Variants in RARB observed in about 807,000 individuals in gnomAD.
RARB encodes the protein retinoic acid receptor beta, also known as HBV-activated protein.
Under a neutral mutation model 51.9 loss-of-function variants are expected in RARB, and 17 were observed. The observed-to-expected ratio is 0.33, with a 90% CI of 0.22 to 0.49. The LOEUF is 0.49. Ranked by LOEUF, RARB falls within the 20% of genes least tolerant of loss-of-function variation. The pLI, the probability that RARB is intolerant of heterozygous loss-of-function variation, is 0.99. For missense variants in RARB, 369 were observed against 550.8 expected, an observed-to-expected ratio of 0.67 and a Z score of 3.30; for synonymous variants, 215 against 195.4, an observed-to-expected ratio of 1.10 and a Z score of -0.84.
intron 7 of RARB, among the ~76,000 whole-genome samples, chr3:25,596,051 G>T (rs926498321): frequency 7.2e-5 from 11 of 152,196 alleles, no homozygotes; most frequent in African/African-American, 2.2e-4. Context: ...AGGAGCAATT[G>T]TATCAGTTAT....
Position 25,478,918 on chromosome 3 carries a change from G to A in RARB, c.306+17577G>A, listed in dbSNP as rs1696095783. Among the ~76,000 whole-genome samples the A allele has an allele frequency of 3.3e-5, 5 of 152,298 alleles. No individual in the cohort carries two copies. The South Asian group carries it at 1.0e-3, about 32-fold the overall frequency. ...GCTCCAGTCCTTGCGTTTTCAGGGT[G>A]CTGCCTGCCAAAATAGTTATTTATT... On this transcript the variant is annotated intron_variant, in intron 2 of 7. Transcript: ENST00000330688.
At chr3:25,501,752 T>A (rs921103184) in intron 3 of RARB, among the ~76,000 whole-genome samples, 2 of 152,206 alleles carry the variant, frequency 1.3e-5, no homozygotes, top group African/African-American at 4.8e-5. Context: ...GAGGGAAGGA[T>A]TGTATAACTT....
intron 5 of RARB, among the ~76,000 whole-genome samples, chr3:25,401,017 C>T (rs922941): frequency 0.66 from 100,250 of 151,958 alleles, 33,314 homozygotes; most frequent in East Asian, 0.83. Context: ...CCCTCAGGAA[C>T]TTTCTCATTC....
chr3:25,526,550 A>T (rs1224809548), intron 3 of RARB, among the ~76,000 whole-genome samples: 1 of 152,210 alleles, frequency 6.6e-6, no homozygotes, highest in Non-Finnish European at 1.5e-5. Context: ...TGAAAAATTA[A>T]GTTAAATTTA....
intron 5 of RARB, among the ~76,000 whole-genome samples, chr3:25,316,292 A>G (rs982959996): frequency 6.6e-6 from 1 of 152,176 alleles, no homozygotes; most frequent in African/African-American, 2.4e-5. Context: ...GCCAAAGGTG[A>G]CATATAGTAT....
rs572064898 is a variant in RARB, at chr3:25,325,485, C to T, written c.179-135708C>T. On this transcript the variant is annotated intron_variant, in intron 5 of 11. Transcript: ENST00000383772. ...GCTCTCAGCCTTATTTTACCCAGGC[C>T]CTGTTTTATGATGGAGTCGATCTGG... 2.6e-5 allele frequency among the ~76,000 whole-genome samples: 4 copies of T among 152,156 alleles called. No individual in the cohort carries two copies. The South Asian group carries it at 8.3e-4, about 32-fold the overall frequency.
chr3:25,177,777 C>T (rs938199055), intron 5 of RARB, among the ~76,000 whole-genome samples: 2 of 152,158 alleles, frequency 1.3e-5, no homozygotes, highest in Non-Finnish European at 2.9e-5. Context: ...CATTCCCACA[C>T]ATAAAGTTGT....
chr3:25,206,572 T>C (rs1293020473), intron 5 of RARB, among the ~76,000 whole-genome samples: 1 of 152,118 alleles, frequency 6.6e-6, no homozygotes, highest in Non-Finnish European at 1.5e-5. Flanking sequence ...ATCTACCCAT[T>C]TCAGATCATT....
chr3:25,036,268 A>G (rs1477470715), intron 2 of RARB, among the ~76,000 whole-genome samples: 1 of 152,218 alleles, frequency 6.6e-6, no homozygotes, highest in Non-Finnish European at 1.5e-5. Flanking sequence ...TGCTGTGGAC[A>G]GAACTGAGGG....
chr3:25,493,779 T>A (rs1037089289), intron 2 of RARB, among the ~76,000 whole-genome samples: 1 of 152,214 alleles, frequency 6.6e-6, no homozygotes, highest in African/African-American at 2.4e-5. Context: ...CTAAATATAG[T>A]GCCAAATTGC....
intron 5 of RARB, among the ~76,000 whole-genome samples, chr3:25,211,807 G>T (rs796192751): frequency 4.6e-5 from 7 of 152,114 alleles, no homozygotes; most frequent in Non-Finnish European, 1.0e-4. Context: ...TATAAAATAG[G>T]TGATGGGCCA....
intron 5 of RARB, among the ~76,000 whole-genome samples, chr3:25,325,135 G>A (rs968067845): frequency 6.6e-6 from 1 of 152,192 alleles, no homozygotes; most frequent in Non-Finnish European, 1.5e-5. Context: ...TTCTGGGAAA[G>A]AGGCAGGCAA....
intron 5 of RARB, among the ~76,000 whole-genome samples, chr3:25,268,357 T>C (rs1366667108): frequency 6.6e-6 from 1 of 150,384 alleles, no homozygotes; most frequent in Non-Finnish European, 1.5e-5. Context: ...TTTGTGTTCA[T>C]GGCACTTCTG....
At chr3:25,184,822 T>G (rs1160146753) in intron 5 of RARB, among the ~76,000 whole-genome samples, 1 of 151,890 alleles carries the variant, frequency 6.6e-6, no homozygotes, top group Non-Finnish European at 1.5e-5. Flanking sequence ...AGCTCAGGAG[T>G]TAGAGACCAC....
At chr3:25,153,437 A>G (rs556249451) in intron 4 of RARB, among the ~76,000 whole-genome samples, 1 of 152,228 alleles carries the variant, frequency 6.6e-6, no homozygotes, top group East Asian at 1.9e-4. Flanking sequence ...ACCGCCATAA[A>G]GTACACTGAC....
intron 4 of RARB, among the ~76,000 whole-genome samples, chr3:25,161,792 C>T (rs940877198): frequency 6.6e-6 from 1 of 152,170 alleles, no homozygotes; most frequent in Non-Finnish European, 1.5e-5. Flanking sequence ...AACAAAATGT[C>T]TTCTAGATAT....
intron 4 of RARB, among the ~76,000 whole-genome samples, chr3:25,143,206 A>AGCTAGCAGCT (rs1203061634): frequency 6.6e-6 from 1 of 152,130 alleles, no homozygotes; most frequent in African/African-American, 2.4e-5. Context: ...TTTGTAATTT[A>AGCTAGCAGCT]GCTAGCAGCT....
intron 1 of RARB, among the ~76,000 whole-genome samples, chr3:25,433,749 A>G (rs1285987449): frequency 6.6e-6 from 1 of 152,268 alleles, no homozygotes; most frequent in East Asian, 1.9e-4. Context: ...ACACAACCTC[A>G]TCAGTCAATA....
Position 25,483,005 on chromosome 3 carries a change from T to C in RARB, c.307-18177T>C, listed in dbSNP as rs371846792. Among the ~76,000 whole-genome samples the C allele has an allele frequency of 1.5e-4, 23 of 152,356 alleles. No homozygotes were observed. In the South Asian group the frequency reaches 2.7e-3, roughly 18 times the overall value. On this transcript the variant is annotated intron_variant, in intron 2 of 7. Coordinates refer to ENST00000330688, the MANE Select transcript of RARB (RefSeq NM_000965.5). The stretch of plus-strand genomic sequence containing the variant: ...CAAAATTTGATGTTAACTTTCACAC[T>C]TCCAACACATCTCAGTTTGAATGAG...
Sources: gnomAD v4.1 joint callset for allele counts (sites outside exome capture counted in the v4.1 genomes callset) on GRCh38, gnomAD v4.1.1 for gene constraint, MANE v1.5 for transcripts, NCBI Gene and HGNC (gene_info 2026-07-23, HGNC 2026-07-21) for gene names.